Variants in PLEKHA7 observed in about 807,000 individuals in gnomAD.
PLEKHA7 encodes pleckstrin homology domain containing A7, also known as pleckstrin homology domain-containing family A member 7.
Under a neutral mutation model 170.0 loss-of-function variants are expected in PLEKHA7, and 104 were observed. The observed-to-expected ratio is 0.61, with a 90% confidence interval of 0.52 to 0.72. PLEKHA7 has a LOEUF of 0.72. Ranked by LOEUF, PLEKHA7 falls within the 30% of genes least tolerant of loss-of-function variation. The pLI is 0.00. For synonymous variants in PLEKHA7, 648 were observed against 660.8 expected (o/e 0.98, Z 0.30); for missense variants, 1,615 against 1,671.7 (o/e 0.97, Z 0.59).
chr11:16,847,078 G>GTTTTTTGT (rs1852468689), intron 8 of PLEKHA7, among the ~76,000 whole-genome samples: 1 of 129,536 alleles, frequency 7.7e-6, no homozygotes, highest in African/African-American at 2.9e-5. Flanking sequence ...TGTGGCTGAA[G>GTTTTTTGT]TTTTTTTTTT....
At chr11:16,986,899 C>T (rs1863759247) in intron 3 of PLEKHA7, among the ~76,000 whole-genome samples, 1 of 152,174 alleles carries the variant, frequency 6.6e-6, no homozygotes, top group Non-Finnish European at 1.5e-5. Flanking sequence ...CGAGCCCCTG[C>T]CCAGAGAAGG....
intron 3 of PLEKHA7, among the ~76,000 whole-genome samples, chr11:17,007,274 TAA>T (rs1190493026): frequency 6.6e-6 from 1 of 152,204 alleles, no homozygotes; most frequent in Non-Finnish European, 1.5e-5. Context: ...AAATTTATGC[TAA>T]TAATTTAAAC....
chr11:16,794,166 T>G (rs1306276919), intron 19 of PLEKHA7, among the ~76,000 whole-genome samples: 1 of 151,542 alleles, frequency 6.6e-6, no homozygotes, highest in Non-Finnish European at 1.5e-5. Context: ...GGGGACAGCT[T>G]CGTCCACAGC....
At chr11:16,922,408 A>T (rs1859165158) in intron 3 of PLEKHA7, among the ~76,000 whole-genome samples, 1 of 152,230 alleles carries the variant, frequency 6.6e-6, no homozygotes, top group Non-Finnish European at 1.5e-5. Flanking sequence ...AAGCTGAAGG[A>T]CACAAAGCTA....
intron 17 of PLEKHA7, among the ~76,000 whole-genome samples, chr11:16,798,799 G>T (rs1848405130): frequency 6.6e-6 from 1 of 152,118 alleles, no homozygotes; most frequent in African/African-American, 2.4e-5. Context: ...CCACTCCTAG[G>T]AGCCTATCTT....
intron 3 of PLEKHA7, among the ~76,000 whole-genome samples, chr11:16,953,373 T>A (rs1304272395): frequency 6.6e-6 from 1 of 152,238 alleles, no homozygotes; most frequent in Non-Finnish European, 1.5e-5. Context: ...AAAGTTCTTT[T>A]GTGAATCCTA....
rs146449758 is a variant in PLEKHA7, at chr11:16,979,218, C to T, written c.221+34771G>A. ...CTAATTTTTGTATTTTTAGTAGAGACGGGATTTCACCATGTTGGCCAGGCT... is the reference window on the plus strand; with the variant it reads ...CTAATTTTTGTATTTTTAGTAGAGATGGGATTTCACCATGTTGGCCAGGCT... On this transcript the variant is annotated intron_variant, in intron 3 of 26. Transcript: ENST00000531066. Among the ~76,000 whole-genome samples, 1,085 of 152,200 alleles carry T rather than the reference C, an allele frequency of 7.1e-3. 11 individuals are homozygous for T. Among genetic ancestry groups the T allele is most frequent in the African/African-American group, 0.025 (1,050 of 41,492 alleles).
intron 10 of PLEKHA7, among the ~76,000 whole-genome samples, chr11:16,819,174 T>G (rs556317968): frequency 1.3e-5 from 2 of 152,098 alleles, no homozygotes; most frequent in African/African-American, 4.8e-5. Flanking sequence ...CTTGGCTCAC[T>G]GCAACCTCCG....
At position 16,998,507 on chromosome 11, in the gene PLEKHA7, G is replaced by A. The variant is rs142010042; in HGVS notation, c.221+15482C>T. ...TTGGGGTTCTAATTTAAATATCTAT[G>A]TATTCACAGAACAGGAAGCCAATTA... is the stretch of plus-strand genomic sequence containing the variant. On this transcript the variant is annotated intron_variant, in intron 3 of 26. Coordinates refer to ENST00000531066, the MANE Select transcript of PLEKHA7 (RefSeq NM_001329630.2). Among the ~76,000 whole-genome samples, 3 of 152,244 alleles carry A rather than the reference G, an allele frequency of 2.0e-5. No homozygotes were observed. In the East Asian group the frequency reaches 5.8e-4, roughly 29 times the overall value.
intron 24 of PLEKHA7, among the ~76,000 whole-genome samples, chr11:16,784,422 C>A (rs1223464531): frequency 2.6e-5 from 4 of 152,170 alleles, no homozygotes; most frequent in East Asian, 1.9e-4. Context: ...GGATGATTGA[C>A]AGGTGGGTGA....
intron 17 of PLEKHA7, 50 bp downstream of exon 17, chr11:16,800,924 C>CA (rs749397426): frequency 2.6e-6 from 4 of 1,539,804 alleles, no homozygotes; most frequent in Admixed American, 3.5e-5. Flanking sequence ...AAACAAAAAA[C>CA]AAAAAACAAA....
intron 8 of PLEKHA7, among the ~76,000 whole-genome samples, chr11:16,848,387 G>A (rs894727608): frequency 5.3e-5 from 8 of 152,238 alleles, no homozygotes; most frequent in African/African-American, 1.9e-4. Context: ...TCAGAATCTA[G>A]AGCAGGGACC....
chr11:16,968,665 T>G lies in PLEKHA7; in HGVS notation c.221+45324A>C, dbSNP rs572114016. 1.9e-4 allele frequency among the ~76,000 whole-genome samples: 29 copies of G among 152,314 alleles called. 1 individual carries two copies. The South Asian group carries it at 5.8e-3, about 30-fold the overall frequency. ...AATTTTTGCAGCGGAACAACACAGT[T>G]TGGAGTCTTCAATAGAGCAATGGAG... On this transcript the variant is annotated intron_variant, in intron 3 of 26. Coordinates refer to ENST00000531066, the MANE Select transcript of PLEKHA7 (RefSeq NM_001329630.2).
intron 4 of PLEKHA7, among the ~76,000 whole-genome samples, chr11:16,867,814 C>T (rs184572933): frequency 2.0e-5 from 3 of 152,320 alleles, no homozygotes; most frequent in East Asian, 1.9e-4. Flanking sequence ...CTGTGAATGA[C>T]ACCTACACAC....
intron 13 of PLEKHA7, 70 bp from the exon 14 acceptor site, chr11:16,803,365 A>C: frequency 6.7e-7 from 1 of 1,485,216 alleles, no homozygotes; most frequent in Non-Finnish European, 9.4e-7. Context: ...AAGAAAATTC[A>C]TCCTATAATG....
chr11:16,817,390 C>T lies in PLEKHA7; in HGVS notation c.1344-68G>A, dbSNP rs1439524678. 20 of 1,450,052 alleles carry T rather than the reference C, an allele frequency of 1.4e-5. No homozygotes were observed. Among genetic ancestry groups the T allele is most frequent in the Non-Finnish European group, 7.4e-6 (8 of 1,078,424 alleles). The allele number at this position is 1,450,052 out of a possible 1,614,324, so 89.8% of individuals were successfully genotyped here. A position where few individuals can be genotyped will look rare whatever the true frequency, so the allele number is the denominator to read the frequency against. On this transcript the variant is annotated intron_variant, in intron 10 of 26. Coordinates refer to ENST00000531066, the MANE Select transcript of PLEKHA7 (RefSeq NM_001329630.2). This position sits in a 1 kb window ranked among gnomAD's most constrained non-coding sequence, Gnocchi z 4.4. Reference sequence around the variant, plus strand: ...GTTCTGCAGGCTTTGGGGAACATATCTAAGTAAACCCACAAAGCTGGGCAT... The same window carrying T: ...GTTCTGCAGGCTTTGGGGAACATATTTAAGTAAACCCACAAAGCTGGGCAT...
intron 3 of PLEKHA7, among the ~76,000 whole-genome samples, chr11:16,933,928 T>C (rs868378343): frequency 6.6e-6 from 1 of 152,182 alleles, no homozygotes; most frequent in Non-Finnish European, 1.5e-5. Flanking sequence ...CAACCCTCTG[T>C]GATCCAGCAA....
intron 13 of PLEKHA7, among the ~76,000 whole-genome samples, chr11:16,804,119 C>G (rs1389425471): frequency 6.6e-6 from 1 of 152,154 alleles, no homozygotes; most frequent in Non-Finnish European, 1.5e-5. Flanking sequence ...TCTTTCTTGC[C>G]AAAAGTCATG....
intron 3 of PLEKHA7, among the ~76,000 whole-genome samples, chr11:16,980,516 G>A (rs1863360138): frequency 6.6e-6 from 1 of 152,248 alleles, no homozygotes; most frequent in Non-Finnish European, 1.5e-5. Context: ...AAGGCAGAAT[G>A]CTCAGTAAGG....
Sources: gnomAD v4.1 joint callset for allele counts (sites outside exome capture counted in the v4.1 genomes callset) on GRCh38, gnomAD v4.1.1 for gene constraint, Gnocchi (gnomAD v3.1) non-coding constraint, MANE v1.5 for transcripts, NCBI Gene and HGNC (gene_info 2026-07-23, HGNC 2026-07-21) for gene names.